SKI: variants seen among roughly 807,000 people sequenced by gnomAD.
SKI encodes the protein ski oncogene.
In SKI, 23 loss-of-function variants were observed where a neutral mutation model predicts 59.3. That is an observed-to-expected ratio of 0.39 (90% confidence interval 0.28 to 0.55). The LOEUF is 0.55. Among genes scored for constraint, SKI ranks in the 20% least tolerant of loss-of-function variants. SKI has a pLI of 0.67. For missense variants in SKI, 1,017 were observed against 1,038.9 expected (o/e 0.98, Z 0.29); for synonymous variants, 673 against 488.6 (o/e 1.38, Z -4.98).
intron 1 of SKI, among the ~76,000 whole-genome samples, chr1:2,255,921 A>G (rs1639264437): frequency 7.6e-6 from 1 of 131,408 alleles, no homozygotes; most frequent in Admixed American, 7.6e-5. Context: ...GGAGCCAGTG[A>G]CCTCATTTCC....
At chr1:2,239,774 G>A (rs1326100507) in intron 1 of SKI, among the ~76,000 whole-genome samples, 1 of 152,204 alleles carries the variant, frequency 6.6e-6, no homozygotes, top group African/African-American at 2.4e-5. Flanking sequence ...TCACGGCTCC[G>A]GGGCTGAGTG....
chr1:2,229,051 C>T lies in SKI; in HGVS notation c.285C>T (p.Asp95=), dbSNP rs768360897. ...CCGGGCCCTTCTTCATGCCGTCCGA[C>T]CGCTCCACCGAGCGCTGCGAGACCG... ...VLPGPFFMPS[D]RSTERCETVL... The change falls in exon 1 of 7, where the codon GAC becomes GAT. Residue 95 remains aspartate (D), a synonymous_variant. Transcript: ENST00000378536. The surrounding 1 kb of genome is among the most constrained non-coding windows in gnomAD (Gnocchi z 6.3). 5 of 1,605,136 alleles carry T rather than the reference C, an allele frequency of 3.1e-6. No homozygotes were observed. In the South Asian group the frequency reaches 3.3e-5, roughly 11 times the overall value.
chr1:2,266,040 G>T (rs1170498286), intron 1 of SKI, among the ~76,000 whole-genome samples: 1 of 152,172 alleles, frequency 6.6e-6, no homozygotes, highest in East Asian at 1.9e-4. Flanking sequence ...GAGGCAGCTT[G>T]ATCCTTTTGA....
intron 1 of SKI, among the ~76,000 whole-genome samples, chr1:2,241,336 A>G (rs976918755): frequency 1.3e-5 from 2 of 152,208 alleles, no homozygotes; most frequent in African/African-American, 2.4e-5. Flanking sequence ...CCAGTTATCC[A>G]CAGCTCACTC....
chr1:2,286,672 C>T (rs1413293707), intron 1 of SKI, among the ~76,000 whole-genome samples: 2 of 152,248 alleles, frequency 1.3e-5, no homozygotes, highest in Non-Finnish European at 2.9e-5. Context: ...GCTTAACTCA[C>T]CCATGTGGCC....
At chr1:2,275,237 G>T (rs376557588) in intron 1 of SKI, among the ~76,000 whole-genome samples, 195 of 152,352 alleles carry the variant, frequency 1.3e-3, no homozygotes, top group Non-Finnish European at 2.3e-3. Context: ...CCCCTGAGAG[G>T]TCAGAGCAGT....
rs1639566757 is a variant in SKI, at chr1:2,269,337, A to G, written c.970-33641A>G. Among the ~76,000 whole-genome samples, 1 of 152,230 alleles carries G rather than the reference A, an allele frequency of 6.6e-6. No homozygotes were observed. The highest frequency in any genetic ancestry group is 1.5e-5 in the Non-Finnish European group (1 of 68,032). On this transcript the variant is annotated intron_variant, in intron 1 of 6. Coordinates refer to ENST00000378536, the MANE Select transcript of SKI (RefSeq NM_003036.4). The surrounding 1 kb of genome is among the most constrained non-coding windows in gnomAD (Gnocchi z 4.7). ...GCCAGAGAGTGACTAAGGGGCTGTT[A>G]GGACAGAGACAGTGGGTTTTGCAGT...
In SKI at chr1:2,306,115, C is replaced by A. The variant is rs200702159; in HGVS notation, c.1863C>A (p.Ala621=). ...GGAAGGAGATCGAGCGTCTCCGCGC[C>A]GAGAACGAGAAGAAGATGAAAGAGG... ...NLRKEIERLR[A]ENEKKMKEAN... The change falls in exon 6 of 7, where the codon GCC becomes GCA. Residue 621 remains alanine (A), a synonymous_variant. Coordinates refer to ENST00000378536, the MANE Select transcript of SKI (RefSeq NM_003036.4). 4 of 1,598,518 alleles carry A rather than the reference C, an allele frequency of 2.5e-6. No homozygotes were observed. The highest frequency in any genetic ancestry group is 3.4e-6 in the Non-Finnish European group (4 of 1,173,984).
intron 1 of SKI, among the ~76,000 whole-genome samples, chr1:2,250,958 AG>A (rs1192302783): frequency 1.3e-5 from 2 of 152,066 alleles, no homozygotes; most frequent in African/African-American, 4.8e-5. Flanking sequence ...TTCTCAGGGG[AG>A]CCTCTCCCTT....
intron 1 of SKI, among the ~76,000 whole-genome samples, chr1:2,265,001 G>A (rs975590227): frequency 2.0e-5 from 3 of 151,892 alleles, no homozygotes; most frequent in Non-Finnish European, 2.9e-5. Context: ...TAGTAGAGAC[G>A]GGGTTTCTCC....
At position 2,310,062 on chromosome 1, in the gene SKI, A is replaced by G. The variant is rs1640713356; in HGVS notation, c.*3297A>G. 2 of 150,148 alleles carry G rather than the reference A, an allele frequency of 1.3e-5. No homozygotes were observed. Among genetic ancestry groups the G allele is most frequent in the Non-Finnish European group, 3.0e-5 (2 of 67,694 alleles). 9.3% of individuals were successfully genotyped at this position (150,148 alleles called of 1,614,324 possible). A position where few individuals can be genotyped will look rare whatever the true frequency, so the allele number is the denominator to read the frequency against. On this transcript the variant is annotated 3_prime_UTR_variant, in exon 7 of 7. Coordinates refer to ENST00000378536, the MANE Select transcript of SKI (RefSeq NM_003036.4). ...ATGCTTACTCTGCTACTCGGAAACT[A>G]TTTTTATGTAATTAATGTATGCTTT...
At chr1:2,300,527 G>T (rs55710545) in intron 1 of SKI, among the ~76,000 whole-genome samples, 1 of 152,154 alleles carries the variant, frequency 6.6e-6, no homozygotes. Flanking sequence ...TGGTAGGGCG[G>T]GTGGCATCCC....
Position 2,306,873 on chromosome 1 carries a change from T to G in SKI, c.*108T>G. 1 of 741,284 alleles carries G rather than the reference T, an allele frequency of 1.3e-6. No individual in the cohort carries two copies. Among genetic ancestry groups the G allele is most frequent in the Non-Finnish European group, 1.9e-6 (1 of 536,910 alleles). 45.9% of individuals were successfully genotyped at this position (741,284 alleles called of 1,614,324 possible). On this transcript the variant is annotated 3_prime_UTR_variant, in exon 7 of 7. Transcript: ENST00000378536. ...CCCCTGCAGCCCACACAGCACAACG[T>G]CTTACCGTGCCTATTACCAAGCGAG...
In SKI at chr1:2,279,395, C is replaced by T. The variant is rs551419178; in HGVS notation, c.970-23583C>T. On this transcript the variant is annotated intron_variant, in intron 1 of 6. Transcript: ENST00000378536. ...CCCTTCCCCCATTTCCTTCCTGGCC[C>T]TGCTCTCCAAGTCTTGTGTGTGTGG... Among the ~76,000 whole-genome samples, 5 of 152,342 alleles carry T rather than the reference C, an allele frequency of 3.3e-5. No homozygotes were observed. In the East Asian group the frequency reaches 9.7e-4, roughly 29 times the overall value.
intron 1 of SKI, among the ~76,000 whole-genome samples, chr1:2,242,621 G>A (rs1268377565): frequency 6.6e-6 from 1 of 152,206 alleles, no homozygotes; most frequent in African/African-American, 2.4e-5. Context: ...TTGGGCTCAA[G>A]AGATTCTCCC....
intron 1 of SKI, among the ~76,000 whole-genome samples, chr1:2,244,127 G>C (rs962383725): frequency 7.2e-5 from 11 of 151,862 alleles, no homozygotes; most frequent in African/African-American, 2.7e-4. Flanking sequence ...CACCACACCC[G>C]GATAATTTTT....
chr1:2,244,423 T>TA (rs1252263377), intron 1 of SKI, among the ~76,000 whole-genome samples: 3 of 151,892 alleles, frequency 2.0e-5, no homozygotes, highest in Non-Finnish European at 4.4e-5. Flanking sequence ...ACTAGAAAAA[T>TA]ACAAAAATTA....
Position 2,228,871 on chromosome 1 carries a change from G to A in SKI, c.105G>A (p.Pro35=), listed in dbSNP as rs778180778. The change falls in exon 1 of 7, where the codon CCG becomes CCA. Residue 35 remains proline, a synonymous_variant. Coordinates refer to ENST00000378536, the MANE Select transcript of SKI (RefSeq NM_003036.4). ...HLSSMSSLGG[P]AAFSARWAQE... ...GCTCCATGAGCTCGCTGGGCGGCCC[G>A]GCCGCTTTCTCGGCGCGCTGGGCGC... 28 of 1,429,122 alleles carry A rather than the reference G, an allele frequency of 2.0e-5. No homozygotes were observed. In the African/African-American group the frequency reaches 2.4e-4, roughly 12 times the overall value. 88.5% of individuals were successfully genotyped at this position (1,429,122 alleles called of 1,614,324 possible). A position where few individuals can be genotyped will look rare whatever the true frequency, so the allele number is the denominator to read the frequency against.
chr1:2,253,579 C>T (rs980696748), intron 1 of SKI, among the ~76,000 whole-genome samples: 1 of 152,246 alleles, frequency 6.6e-6, no homozygotes, highest in Non-Finnish European at 1.5e-5. Context: ...CTGCTGGCCT[C>T]TGCCAGGGCC....
Sources: allele counts gnomAD v4.1 joint callset (sites outside exome capture counted in the v4.1 genomes callset), GRCh38; gene constraint gnomAD v4.1.1; non-coding constraint Gnocchi (gnomAD v3.1); transcripts MANE v1.5; gene names NCBI Gene and HGNC (gene_info 2026-07-23, HGNC 2026-07-21).